Variants in TET1 observed in about 807,000 individuals in gnomAD.
TET1 encodes the protein methylcytosine dioxygenase TET1.
In TET1, 13 loss-of-function variants were observed where a neutral mutation model predicts 148.7. The observed-to-expected ratio is 0.09, with a 90% CI of 0.06 to 0.14. TET1 has a LOEUF of 0.14. Among genes scored for constraint, TET1 ranks in the 10% least tolerant of loss-of-function variants. TET1 has a pLI of 1.00. For synonymous variants in TET1, 907 were observed against 937.2 expected, an observed-to-expected ratio of 0.97 and a Z score of 0.59; for missense variants, 2,182 against 2,553.8, an observed-to-expected ratio of 0.85 and a Z score of 3.14.
chr10:68,643,406 A>G (rs1183255399), intron 3 of TET1, among the ~76,000 whole-genome samples: 3 of 152,346 alleles, frequency 2.0e-5, no homozygotes, highest in Non-Finnish European at 4.4e-5. Flanking sequence ...AACTTACTAT[A>G]CAGTGAGAAT....
chr10:68,663,318 T>C (rs184700469), intron 6 of TET1, among the ~76,000 whole-genome samples: 2 of 152,322 alleles, frequency 1.3e-5, no homozygotes, highest in East Asian at 3.9e-4. Context: ...TTTATAACCT[T>C]CTCTGCATTT....
chr10:68,604,575 G>A (rs1364985640), intron 3 of TET1, among the ~76,000 whole-genome samples: 1 of 152,170 alleles, frequency 6.6e-6, no homozygotes, highest in Non-Finnish European at 1.5e-5. Context: ...TGGGATAAAT[G>A]CCCTGCTCTC....
Position 68,652,568 on chromosome 10 carries a change from T to G in TET1, c.4435T>G (p.Ser1479Ala), listed in dbSNP as rs768403517. 10 of 1,611,810 alleles carry G rather than the reference T, an allele frequency of 6.2e-6. No homozygotes were observed. Among genetic ancestry groups the G allele is most frequent in the Non-Finnish European group, 7.6e-6 (9 of 1,178,770 alleles). Residue 1479 changes from serine to alanine, a missense_variant, in exon 6 of 12, where the codon TCT (serine) becomes GCT (alanine). Physicochemically the swap from Ser to Ala is moderately conservative, Grantham distance 99. This residue lies in a region of TET1 where 169 missense variants were observed against 263.7 expected (regional missense o/e 0.64). Transcript: ENST00000373644. ...VVYTGKEGKS[S>A]HGCPIAKWVL... is the part of the protein sequence containing the mutation. The stretch of plus-strand genomic sequence containing the variant: ...GTACACCGGTAAAGAAGGGAAAAGC[T>G]CTCATGGGTGTCCAATTGCTAAGTG...
chr10:68,648,955 T>C (rs1477732805), intron 4 of TET1, among the ~76,000 whole-genome samples: 2 of 152,254 alleles, frequency 1.3e-5, no homozygotes, highest in African/African-American at 2.4e-5. Context: ...TTATCAAGGA[T>C]AGGCTGTTCT....
chr10:68,653,981 C>T (rs1589114476), intron 6 of TET1, among the ~76,000 whole-genome samples: 1 of 151,522 alleles, frequency 6.6e-6, no homozygotes, highest in African/African-American at 2.4e-5. Context: ...GTGATGGGCA[C>T]CTGTAGTCCC....
At position 68,682,839 on chromosome 10, in the gene TET1, G is replaced by C. The variant is rs2055454773; in HGVS notation, c.4918G>C (p.Glu1640Gln). The change falls in exon 10 of 12, where the codon GAA (glutamate) becomes CAA (glutamine). Residue 1640 changes from glutamate (E) to glutamine (Q), a missense_variant. By Grantham distance (29) the Glu-to-Gln change is conservative. Coordinates refer to ENST00000373644, the MANE Select transcript of TET1 (RefSeq NM_030625.3). ...TGCTCCATGCTTTCTTTTCTAGGTG[G>C]AATATGAAAATGTTGCCCGAGAATG... ...YAPVAYQNQVEYENVARECRL... is the reference protein window; with the variant it reads ...YAPVAYQNQVQYENVARECRL... The C allele has an allele frequency of 6.2e-7, 1 of 1,612,894 alleles. No individual in the cohort carries two copies. The highest frequency in any genetic ancestry group is 8.5e-7 in the Non-Finnish European group (1 of 1,179,712).
intron 10 of TET1, 103 bp downstream of exon 10, chr10:68,683,076 T>A: frequency 7.4e-7 from 1 of 1,354,148 alleles, no homozygotes; most frequent in Non-Finnish European, 1.0e-6. Flanking sequence ...AAAATCTTAA[T>A]TTATGTGTTA....
chr10:68,564,518 GT>G (rs1287259134), intron 1 of TET1, among the ~76,000 whole-genome samples: 1 of 152,154 alleles, frequency 6.6e-6, no homozygotes, highest in African/African-American at 2.4e-5. Context: ...ATTGAGTAAT[GT>G]TTTACATCCC....
intron 2 of TET1, among the ~76,000 whole-genome samples, chr10:68,599,486 C>G (rs1263212559): frequency 2.0e-5 from 3 of 152,216 alleles, no homozygotes; most frequent in Non-Finnish European, 4.4e-5. Flanking sequence ...GTGGGGGGCA[C>G]GGCTCCCGGT....
chr10:68,581,876 T>C (rs781113401), intron 2 of TET1, among the ~76,000 whole-genome samples: 2 of 151,948 alleles, frequency 1.3e-5, no homozygotes, highest in Non-Finnish European at 2.9e-5. Flanking sequence ...TCGTGGACTA[T>C]ATCCCTGAAG....
intron 3 of TET1, among the ~76,000 whole-genome samples, chr10:68,630,474 C>T (rs1320089184): frequency 1.3e-5 from 2 of 152,134 alleles, no homozygotes; most frequent in South Asian, 2.1e-4. Context: ...GCCACCACGC[C>T]CAGCTCATTT....
At chr10:68,674,665 G>T in intron 8 of TET1, 1 of 451,688 alleles carries the variant, frequency 2.2e-6, no homozygotes, top group South Asian at 1.7e-5. Context: ...TCAAAAAATG[G>T]CAGACAATGG....
intron 6 of TET1, among the ~76,000 whole-genome samples, chr10:68,658,311 A>T (rs1356048611): frequency 2.0e-5 from 3 of 151,896 alleles, no homozygotes; most frequent in Non-Finnish European, 4.4e-5. Flanking sequence ...TCCCAGATTC[A>T]AGTGATTTTC....
chr10:68,565,404 C>G (rs2053595548), intron 1 of TET1, among the ~76,000 whole-genome samples: 1 of 149,380 alleles, frequency 6.7e-6, no homozygotes, highest in Non-Finnish European at 1.5e-5. Flanking sequence ...TCACTTAAGC[C>G]CAGGAGGTCA....
intron 1 of TET1, among the ~76,000 whole-genome samples, chr10:68,571,381 G>T (rs190785888): frequency 2.0e-5 from 3 of 151,816 alleles, no homozygotes; most frequent in Non-Finnish European, 4.4e-5. Context: ...TCGGCTCACC[G>T]CAATCTCCGC....
chr10:68,638,493 A>C (rs1041296894), intron 3 of TET1, among the ~76,000 whole-genome samples: 21 of 152,186 alleles, frequency 1.4e-4, no homozygotes, highest in South Asian at 2.1e-4. Flanking sequence ...CACAGTACCC[A>C]AATGGTATGT....
intron 3 of TET1, among the ~76,000 whole-genome samples, chr10:68,606,316 G>C (rs538018509): frequency 2.6e-4 from 39 of 152,276 alleles, no homozygotes; most frequent in Non-Finnish European, 4.4e-4. Flanking sequence ...GCAGTCAGCC[G>C]AGATTGTGCC....
At chr10:68,570,821 G>A (rs937056320) in intron 1 of TET1, among the ~76,000 whole-genome samples, 23 of 150,594 alleles carry the variant, frequency 1.5e-4, no homozygotes, top group Admixed American at 1.4e-3. Context: ...TTTTAGTAAA[G>A]ATGGGGTTTC....
chr10:68,594,707 G>A (rs1485370008), intron 2 of TET1, among the ~76,000 whole-genome samples: 2 of 152,030 alleles, frequency 1.3e-5, no homozygotes, highest in Admixed American at 6.6e-5. Context: ...GAACGGGCGC[G>A]GTGACTCATG....
Sources: gnomAD v4.1 joint callset for allele counts (sites outside exome capture counted in the v4.1 genomes callset) on GRCh38, gnomAD v4.1.1 for gene constraint, gnomAD v4.1.1 regional missense constraint, MANE v1.5 for transcripts, NCBI Gene and HGNC (gene_info 2026-07-23, HGNC 2026-07-21) for gene names.